YAP1: variants seen among roughly 807,000 people sequenced by gnomAD.
The protein encoded by YAP1 is Yes1 associated transcriptional regulator, also known as transcriptional coactivator YAP1.
YAP1 carries 5 observed loss-of-function variants against 56.9 expected under a neutral mutation model. The observed-to-expected ratio is 0.09, with a 90% CI of 0.05 to 0.18. YAP1 has a LOEUF of 0.18. YAP1 is among the 10% of genes least tolerant of loss of function. The pLI is 1.00. For missense variants in YAP1, 539 were observed against 651.8 expected (o/e 0.83, Z 1.88); for synonymous variants, 265 against 248.1 (o/e 1.07, Z -0.64).
chr11:102,195,582 C>A (rs1194907340), intron 4 of YAP1, among the ~76,000 whole-genome samples: 3 of 152,130 alleles, frequency 2.0e-5, no homozygotes, highest in Non-Finnish European at 4.4e-5. Context: ...CAATTTCTCC[C>A]ATCCTGTTCT....
chr11:102,230,694 G>C lies in YAP1; in HGVS notation c.*754G>C, dbSNP rs1193076289. ...TTTTTGTTTTTGGCAGGGTCGGTGG[G>C]GGGGTTGGTTGGTTGGTTGGTTTTG... is the stretch of plus-strand genomic sequence containing the variant. On this transcript the variant is annotated 3_prime_UTR_variant, in exon 9 of 9. Coordinates refer to ENST00000282441, the MANE Select transcript of YAP1 (RefSeq NM_001130145.3). 1.3e-5 allele frequency: 2 copies of C among 152,394 alleles called. No individual in the cohort carries two copies. The highest frequency in any genetic ancestry group is 4.8e-5 in the African/African-American group (2 of 41,354). The allele number at this position is 152,394 out of a possible 1,614,324, so 9.4% of individuals were successfully genotyped here. A position where few individuals can be genotyped will look rare whatever the true frequency, so the allele number is the denominator to read the frequency against.
intron 2 of YAP1, among the ~76,000 whole-genome samples, chr11:102,129,431 CA>C (rs1213160758): frequency 2.0e-5 from 3 of 151,742 alleles, no homozygotes; most frequent in Non-Finnish European, 4.4e-5. Flanking sequence ...CTAGCCTGAC[CA>C]ACATCGTGAA....
chr11:102,202,509 A>G (rs1003848505), intron 4 of YAP1, among the ~76,000 whole-genome samples: 4 of 149,876 alleles, frequency 2.7e-5, no homozygotes, highest in Non-Finnish European at 5.9e-5. Context: ...CTCATTGGCT[A>G]CCTTTTGGAG....
intron 4 of YAP1, among the ~76,000 whole-genome samples, chr11:102,203,309 T>C (rs535606421): frequency 6.6e-6 from 1 of 152,354 alleles, no homozygotes; most frequent in Non-Finnish European, 1.5e-5. Context: ...TGGACCTTGT[T>C]TGGATTCTGT....
Position 102,223,607 on chromosome 11 carries a change from T to A in YAP1, c.1033-15T>A. ...AATCAGTAGATTGATTCTCTTTGGC[T>A]TTATTTTTAATTAGGAGTTAGCCCT... is the stretch of plus-strand genomic sequence containing the variant. On this transcript the variant is annotated splice_polypyrimidine_tract_variant and intron_variant, in intron 6 of 8. Coordinates refer to ENST00000282441, the MANE Select transcript of YAP1 (RefSeq NM_001130145.3). 1 of 1,610,576 alleles carries A rather than the reference T, an allele frequency of 6.2e-7. No individual in the cohort carries two copies. Among genetic ancestry groups the A allele is most frequent in the Non-Finnish European group, 8.5e-7 (1 of 1,179,064 alleles).
At chr11:102,184,436 A>G (rs1419956038) in intron 3 of YAP1, among the ~76,000 whole-genome samples, 1 of 152,248 alleles carries the variant, frequency 6.6e-6, no homozygotes, top group African/African-American at 2.4e-5. Flanking sequence ...GTGTACAACA[A>G]ATTCTACCTC....
At chr11:102,134,878 G>C (rs1198568256) in intron 2 of YAP1, among the ~76,000 whole-genome samples, 2 of 151,616 alleles carry the variant, frequency 1.3e-5, no homozygotes, top group Non-Finnish European at 2.9e-5. Context: ...CAGCTAATTT[G>C]TTTTCTAGTG....
At chr11:102,176,148 C>T (rs547628279) in intron 3 of YAP1, among the ~76,000 whole-genome samples, 2 of 152,166 alleles carry the variant, frequency 1.3e-5, no homozygotes, top group Non-Finnish European at 2.9e-5. Context: ...GTATCACAAA[C>T]TACTAACAAG....
chr11:102,133,521 T>TC (rs922966634), intron 2 of YAP1, among the ~76,000 whole-genome samples: 27 of 152,192 alleles, frequency 1.8e-4, no homozygotes, highest in African/African-American at 6.3e-4. Context: ...GGTTTCAAAC[T>TC]CCAAGGCCCA....
chr11:102,164,680 G>A (rs1946493656), intron 3 of YAP1, among the ~76,000 whole-genome samples: 1 of 152,132 alleles, frequency 6.6e-6, no homozygotes, highest in Non-Finnish European at 1.5e-5. Flanking sequence ...TGAAATTTAT[G>A]CTTTAAGTCA....
At chr11:102,127,101 GT>G (rs1022052946) in intron 2 of YAP1, among the ~76,000 whole-genome samples, 5 of 152,220 alleles carry the variant, frequency 3.3e-5, no homozygotes, top group African/African-American at 1.2e-4. Flanking sequence ...GAGCATAAAA[GT>G]TCAGAAAATT....
intron 4 of YAP1, among the ~76,000 whole-genome samples, chr11:102,187,573 A>G (rs1442321281): frequency 6.6e-6 from 1 of 152,234 alleles, no homozygotes; most frequent in Non-Finnish European, 1.5e-5. Flanking sequence ...CACATTTTGG[A>G]AATTCTGAAG....
Position 102,172,387 on chromosome 11 carries a change from T to G in YAP1, c.688+9816T>G, listed in dbSNP as rs186395956. ...AGTGCAGTGGCACGATCACAGCTCA[T>G]TGCAGCTTCAACTTCACGGGCTCAA... On this transcript the variant is annotated intron_variant, in intron 3 of 8. Coordinates refer to ENST00000282441, the MANE Select transcript of YAP1 (RefSeq NM_001130145.3). 1.0e-4 allele frequency among the ~76,000 whole-genome samples: 15 copies of G among 143,732 alleles called. No homozygotes were observed. The East Asian group carries it at 3.2e-3, about 30-fold the overall frequency. The allele number at this position is 143,732 out of a possible 152,430, so 94.3% of individuals were successfully genotyped here. A position where few individuals can be genotyped will look rare whatever the true frequency, so the allele number is the denominator to read the frequency against.
At chr11:102,180,006 A>ATT (rs35958516) in intron 3 of YAP1, among the ~76,000 whole-genome samples, 9 of 105,896 alleles carry the variant, frequency 8.5e-5, no homozygotes, top group African/African-American at 3.0e-4. Flanking sequence ...CATTTATTCT[A>ATT]TTTTTTTTTT....
At chr11:102,131,107 A>G (rs1944346720) in intron 2 of YAP1, among the ~76,000 whole-genome samples, 1 of 152,094 alleles carries the variant, frequency 6.6e-6, no homozygotes. Context: ...CTTCCCTCAA[A>G]TACTGGGTGG....
intron 2 of YAP1, among the ~76,000 whole-genome samples, chr11:102,147,352 T>C (rs1019899482): frequency 6.6e-6 from 1 of 152,200 alleles, no homozygotes; most frequent in East Asian, 1.9e-4. Flanking sequence ...TCTGATACTA[T>C]GAAGAGATAA....
At chr11:102,198,656 C>T (rs550489392) in intron 4 of YAP1, among the ~76,000 whole-genome samples, 1 of 151,930 alleles carries the variant, frequency 6.6e-6, no homozygotes, top group Non-Finnish European at 1.5e-5. Context: ...TGCTTGGAAC[C>T]AAAAACACTT....
chr11:102,119,023 T>C (rs1250210543), intron 2 of YAP1, among the ~76,000 whole-genome samples: 1 of 151,956 alleles, frequency 6.6e-6, no homozygotes, highest in Non-Finnish European at 1.5e-5. Flanking sequence ...AAAAAACCAG[T>C]TCAAATTGCA....
intron 3 of YAP1, among the ~76,000 whole-genome samples, chr11:102,182,162 G>C (rs1028538309): frequency 1.3e-5 from 2 of 152,160 alleles, no homozygotes; most frequent in Non-Finnish European, 2.9e-5. Context: ...ACCGGCATCA[G>C]CACCACCTGG....
Sources: allele counts gnomAD v4.1 joint callset (sites outside exome capture counted in the v4.1 genomes callset), GRCh38; gene constraint gnomAD v4.1.1; transcripts MANE v1.5; gene names NCBI Gene and HGNC (gene_info 2026-07-23, HGNC 2026-07-21).